The following CLDN10 variants were observed in gnomAD, a reference collection of about 807,000 sequenced individuals.
The protein encoded by CLDN10 is claudin-10.
CLDN10 carries 15 observed loss-of-function variants against 22.9 expected under a neutral mutation model. The ratio of observed to expected loss-of-function variants is 0.65; its 90% CI spans 0.44 to 1.01. The LOEUF is 1.01. CLDN10 is among the 50% of genes least tolerant of loss of function. The pLI, the probability that CLDN10 is intolerant of heterozygous loss-of-function variation, is 0.00. For missense variants in CLDN10, 247 were observed against 287.8 expected, an observed-to-expected ratio of 0.86 and a Z score of 1.03; for synonymous variants, 114 against 111.4, an observed-to-expected ratio of 1.02 and a Z score of -0.15.
chr13:95,529,241 T>C (rs1384190073), intron 1 of CLDN10, among the ~76,000 whole-genome samples: 1 of 152,158 alleles, frequency 6.6e-6, no homozygotes, highest in Non-Finnish European at 1.5e-5. Flanking sequence ...TGAGATCTCT[T>C]TTTGCTCTGT....
intron 1 of CLDN10, among the ~76,000 whole-genome samples, chr13:95,440,969 G>T (rs1434781065): frequency 1.3e-5 from 2 of 152,208 alleles, no homozygotes; most frequent in Non-Finnish European, 2.9e-5. Flanking sequence ...GGAAGCATCA[G>T]AAACTTTTTA....
intron 3 of CLDN10, among the ~76,000 whole-genome samples, chr13:95,567,666 G>A (rs965865295): frequency 6.6e-6 from 1 of 152,210 alleles, no homozygotes; most frequent in East Asian, 1.9e-4. Flanking sequence ...ATGTTGAATA[G>A]GAGTGGTGAG....
chr13:95,507,288 C>T (rs1412618352), intron 1 of CLDN10, among the ~76,000 whole-genome samples: 1 of 152,116 alleles, frequency 6.6e-6, no homozygotes, highest in Non-Finnish European at 1.5e-5. Flanking sequence ...CTGATGTCTC[C>T]TTCTACATCT....
At chr13:95,517,658 G>A (rs772466234) in intron 1 of CLDN10, among the ~76,000 whole-genome samples, 7 of 152,130 alleles carry the variant, frequency 4.6e-5, no homozygotes, top group African/African-American at 1.2e-4. Flanking sequence ...GACTGAGGTC[G>A]GGCGCGGTGG....
intron 1 of CLDN10, among the ~76,000 whole-genome samples, chr13:95,473,987 C>G (rs2042660883): frequency 6.6e-6 from 1 of 152,202 alleles, no homozygotes; most frequent in Non-Finnish European, 1.5e-5. Context: ...TCGTGGAAGA[C>G]AGTTTTTCCA....
rs537666575 is a variant in CLDN10, at chr13:95,492,553, G to A, written c.214+58506G>A. Among the ~76,000 whole-genome samples the A allele has an allele frequency of 5.9e-5, 9 of 152,246 alleles. No individual in the cohort carries two copies. The South Asian group carries it at 1.7e-3, about 28-fold the overall frequency. On this transcript the variant is annotated intron_variant, in intron 1 of 4. Coordinates refer to the CLDN10 transcript ENST00000376873. ...GCCTCGAGTCTGTTTCCTGGTGGAG[G>A]GTGAGATGGGCTTGAAAACTTGCCC...
At chr13:95,456,975 G>A (rs1376626757) in intron 1 of CLDN10, among the ~76,000 whole-genome samples, 6 of 152,110 alleles carry the variant, frequency 3.9e-5, no homozygotes, top group African/African-American at 7.2e-5. Context: ...AAGACAGATG[G>A]AGTCTCTGCC....
At chr13:95,489,584 C>T (rs1332094011) in intron 1 of CLDN10, among the ~76,000 whole-genome samples, 1 of 151,572 alleles carries the variant, frequency 6.6e-6, no homozygotes, top group Non-Finnish European at 1.5e-5. Context: ...TTTTTTCTTA[C>T]TCATTTGAGC....
chr13:95,514,368 A>G (rs1566310877), intron 1 of CLDN10, among the ~76,000 whole-genome samples: 1 of 152,146 alleles, frequency 6.6e-6, no homozygotes, highest in African/African-American at 2.4e-5. Flanking sequence ...AGCAAACGTT[A>G]ACAATCAGGG....
At chr13:95,434,478 A>AACACAC (rs55653913) in intron 1 of CLDN10, among the ~76,000 whole-genome samples, 113 of 145,744 alleles carry the variant, frequency 7.8e-4, no homozygotes, top group Non-Finnish European at 1.2e-3. Context: ...TACACCCACA[A>AACACAC]ACACACACAC....
intron 1 of CLDN10, among the ~76,000 whole-genome samples, chr13:95,491,014 C>A (rs1198700883): frequency 6.6e-6 from 1 of 152,164 alleles, no homozygotes; most frequent in African/African-American, 2.4e-5. Context: ...TAATGTCCCT[C>A]TTTGTCTCTT....
At chr13:95,469,078 CCA>C (rs914852100) in intron 1 of CLDN10, among the ~76,000 whole-genome samples, 3 of 151,300 alleles carry the variant, frequency 2.0e-5, no homozygotes, top group Non-Finnish European at 4.4e-5. Context: ...TTATGGAAAA[CCA>C]CTTCAGATTT....
intron 1 of CLDN10, among the ~76,000 whole-genome samples, chr13:95,521,482 A>G (rs1045147583): frequency 4.6e-5 from 7 of 152,156 alleles, no homozygotes; most frequent in Non-Finnish European, 1.0e-4. Context: ...GATGAATTAC[A>G]TTGGTTGATT....
chr13:95,536,183 G>GAAAAA (rs34043263), intron 1 of CLDN10, among the ~76,000 whole-genome samples: 1 of 148,646 alleles, frequency 6.7e-6, no homozygotes, highest in Non-Finnish European at 1.5e-5. Flanking sequence ...TCCTAAATTT[G>GAAAAA]AAAAAAAAAA....
At chr13:95,562,223 C>T (rs1219968421) in intron 3 of CLDN10, among the ~76,000 whole-genome samples, 3 of 151,956 alleles carry the variant, frequency 2.0e-5, no homozygotes, top group Non-Finnish European at 2.9e-5. Flanking sequence ...TGAGCCACTG[C>T]GCCCGGCCCC....
chr13:95,529,955 G>A (rs1008115891), intron 1 of CLDN10, among the ~76,000 whole-genome samples: 1 of 151,750 alleles, frequency 6.6e-6, no homozygotes, highest in Admixed American at 6.6e-5. Flanking sequence ...TATTATAGAA[G>A]GTCACTTTCA....
At chr13:95,530,540 C>G (rs1298661445) in intron 1 of CLDN10, among the ~76,000 whole-genome samples, 3 of 152,082 alleles carry the variant, frequency 2.0e-5, no homozygotes, top group Admixed American at 1.3e-4. Context: ...TCGAAAGGAC[C>G]CTGTGTGTCT....
Position 95,544,390 on chromosome 13 carries a change from T to G in CLDN10, c.215-15742T>G, listed in dbSNP as rs1339420074. Among the ~76,000 whole-genome samples, 29 of 152,118 alleles carry G rather than the reference T, an allele frequency of 1.9e-4. 1 individual carries two copies. Among genetic ancestry groups the G allele is most frequent in the Admixed American group, 1.9e-3 (29 of 15,266 alleles). ...TTACATATATGGATGAATTGTACGGTGGGAGGCAGCTGACATAGGGCATGT... is the reference window on the plus strand; with the variant it reads ...TTACATATATGGATGAATTGTACGGGGGGAGGCAGCTGACATAGGGCATGT... On this transcript the variant is annotated intron_variant, in intron 1 of 4. Coordinates refer to the CLDN10 transcript ENST00000376873.
intron 1 of CLDN10, among the ~76,000 whole-genome samples, chr13:95,483,235 C>T (rs7332917): frequency 0.59 from 90,272 of 152,116 alleles, 28,030 homozygotes; most frequent in African/African-American, 0.79. Flanking sequence ...GCTTTCTCCT[C>T]GTTCAGACTG....
Sources: gnomAD v4.1 joint callset for allele counts (sites outside exome capture counted in the v4.1 genomes callset) on GRCh38, gnomAD v4.1.1 for gene constraint, MANE v1.5 for transcripts, NCBI Gene and HGNC (gene_info 2026-07-23, HGNC 2026-07-21) for gene names.